PDE7A: variants seen among roughly 807,000 people sequenced by gnomAD.
The protein encoded by PDE7A is high affinity 3',5'-cyclic-AMP phosphodiesterase 7A.
In PDE7A, 39 loss-of-function variants were observed where a neutral mutation model predicts 64.3. That is an observed-to-expected ratio of 0.61 (90% CI 0.47 to 0.79). The LOEUF (loss-of-function observed/expected upper bound fraction) is 0.79. Among genes scored for constraint, PDE7A ranks in the 30% least tolerant of loss-of-function variants. The probability of loss-of-function intolerance (pLI) is 0.00; values close to 1 mark genes in which losing one functional copy is unlikely to be tolerated. For missense variants in PDE7A, 470 were observed against 582.8 expected (o/e 0.81, Z 1.99); for synonymous variants, 203 against 206.8 (o/e 0.98, Z 0.16).
At chr8:65,765,133 G>GA (rs1808702343) in intron 3 of PDE7A, among the ~76,000 whole-genome samples, 1 of 152,164 alleles carries the variant, frequency 6.6e-6, no homozygotes, top group Non-Finnish European at 1.5e-5. Flanking sequence ...TAAATATCCT[G>GA]AAAGGTCCCC....
intron 1 of PDE7A, among the ~76,000 whole-genome samples, chr8:65,825,246 A>G (rs1810643078): frequency 6.6e-6 from 1 of 152,190 alleles, no homozygotes; most frequent in African/African-American, 2.4e-5. Flanking sequence ...ACAAGCATAC[A>G]TTAACTTTAG....
chr8:65,738,117 TA>T (rs1210588379), intron 6 of PDE7A, among the ~76,000 whole-genome samples: 4 of 152,090 alleles, frequency 2.6e-5, no homozygotes, highest in Non-Finnish European at 5.9e-5. Context: ...ATGTTTACAC[TA>T]TAGTCTATTA....
At chr8:65,828,989 T>C (rs548096942) in intron 1 of PDE7A, among the ~76,000 whole-genome samples, 4 of 152,158 alleles carry the variant, frequency 2.6e-5, no homozygotes, top group South Asian at 4.1e-4. Context: ...GATTGTATTA[T>C]CCTTGTTAAA....
intron 1 of PDE7A, among the ~76,000 whole-genome samples, chr8:65,793,484 T>TAA (rs11339152): frequency 7.3e-6 from 1 of 137,824 alleles, no homozygotes. Flanking sequence ...TAAAGTTTCC[T>TAA]AAAAAAAAAA....
intron 3 of PDE7A, among the ~76,000 whole-genome samples, chr8:65,763,110 T>C (rs1233218817): frequency 6.6e-6 from 1 of 151,978 alleles, no homozygotes; most frequent in Non-Finnish European, 1.5e-5. Context: ...ATCTAAAAAT[T>C]AGATTAATGT....
In PDE7A at chr8:65,841,465, G is replaced by C. The variant is rs1196854467; in HGVS notation, c.44C>G (p.Pro15Arg). The change falls in exon 1 of 13, where the codon CCG becomes CGG. Residue 15 changes from proline to arginine, a missense_variant. Pro to Arg is a moderately radical substitution (Grantham distance 103). Transcript: ENST00000401827. ...YQLPVLPLDR[P>R]VPQHVLSRRG... The stretch of plus-strand genomic sequence containing the variant: ...GCGGCTGAGGACGTGCTGGGGGACC[G>C]GCCTGTCCAGGGGCAGTACCGGCAG... 1.3e-6 allele frequency: 2 copies of C among 1,562,724 alleles called. No homozygotes were observed. Among genetic ancestry groups the C allele is most frequent in the African/African-American group, 2.8e-5 (2 of 70,578 alleles).
chr8:65,817,242 C>T (rs187793753), intron 1 of PDE7A, among the ~76,000 whole-genome samples: 1 of 151,990 alleles, frequency 6.6e-6, no homozygotes, highest in East Asian at 1.9e-4. Context: ...TCCCTAATGT[C>T]AAAATTTTCT....
intron 5 of PDE7A, among the ~76,000 whole-genome samples, chr8:65,740,236 C>T (rs941377798): frequency 5.3e-5 from 8 of 152,092 alleles, no homozygotes; most frequent in African/African-American, 1.9e-4. Context: ...TCAACACTGC[C>T]CAGCAATCAT....
chr8:65,828,379 C>T (rs560403533), intron 1 of PDE7A, among the ~76,000 whole-genome samples: 1 of 152,100 alleles, frequency 6.6e-6, no homozygotes, highest in Admixed American at 6.5e-5. Flanking sequence ...TTTTTTCCCC[C>T]AAAGTTGTTA....
intron 1 of PDE7A, among the ~76,000 whole-genome samples, chr8:65,802,359 A>C (rs1351387187): frequency 1.3e-5 from 2 of 152,160 alleles, no homozygotes; most frequent in Non-Finnish European, 2.9e-5. Context: ...TTACCACAAT[A>C]AAAAAATGCA....
intron 3 of PDE7A, among the ~76,000 whole-genome samples, chr8:65,760,990 C>G (rs1263621188): frequency 1.3e-5 from 2 of 152,132 alleles, no homozygotes; most frequent in Non-Finnish European, 2.9e-5. Flanking sequence ...GTACTTTCAT[C>G]CGAACAATTA....
chr8:65,734,591 C>T (rs1468485116), intron 7 of PDE7A, among the ~76,000 whole-genome samples: 2 of 152,156 alleles, frequency 1.3e-5, no homozygotes, highest in Non-Finnish European at 2.9e-5. Flanking sequence ...CTTCTCCAGC[C>T]TCTCTCTCAA....
chr8:65,738,669 G>A (rs1430638082), intron 6 of PDE7A, among the ~76,000 whole-genome samples: 4 of 152,054 alleles, frequency 2.6e-5, no homozygotes, highest in East Asian at 1.9e-4. Flanking sequence ...GTGGCCTCAC[G>A]TGATCCACCC....
chr8:65,773,861 A>C (rs1809182246), intron 3 of PDE7A, among the ~76,000 whole-genome samples: 1 of 152,098 alleles, frequency 6.6e-6, no homozygotes, highest in African/African-American at 2.4e-5. Context: ...ATATTTTTCG[A>C]ATTCTCTTAT....
At chr8:65,734,254 C>G (rs1255830163) in intron 7 of PDE7A, among the ~76,000 whole-genome samples, 1 of 152,138 alleles carries the variant, frequency 6.6e-6, no homozygotes, top group African/African-American at 2.4e-5. Flanking sequence ...GTTTCTTTCC[C>G]CGAAATGCAT....
chr8:65,760,177 T>C (rs898771362), intron 3 of PDE7A, among the ~76,000 whole-genome samples: 10 of 152,090 alleles, frequency 6.6e-5, no homozygotes, highest in African/African-American at 2.4e-4. Flanking sequence ...GAAGTAGAGG[T>C]TGCAGTGAGC....
chr8:65,771,424 A>T (rs1206252793), intron 3 of PDE7A, among the ~76,000 whole-genome samples: 6 of 152,212 alleles, frequency 3.9e-5, no homozygotes, highest in South Asian at 2.1e-4. Flanking sequence ...AGAAGAAATT[A>T]AAAAATTATG....
chr8:65,723,625 TA>T lies in PDE7A; in HGVS notation c.1163-5del. Reference sequence around the variant, plus strand: ...TGATATTTTTTTTCTATATCTCCTATAAATTAAAAAAAGAGAAGTATTAATA... The same window carrying T: ...TGATATTTTTTTTCTATATCTCCTATAATTAAAAAAAGAGAAGTATTAATA... On this transcript the variant is annotated splice_polypyrimidine_tract_variant and splice_region_variant and intron_variant, in intron 11 of 12. Transcript: ENST00000401827. 1 of 1,539,352 alleles carries T rather than the reference TA, an allele frequency of 6.5e-7. No individual in the cohort carries two copies. The highest frequency in any genetic ancestry group is 8.7e-7 in the Non-Finnish European group (1 of 1,144,780).
chr8:65,731,031 C>T (rs1806863772), intron 7 of PDE7A, among the ~76,000 whole-genome samples: 1 of 152,182 alleles, frequency 6.6e-6, no homozygotes, highest in African/African-American at 2.4e-5. Context: ...CTCATATTGA[C>T]CAAGTACCTA....
Sources: gnomAD v4.1 joint callset for allele counts (sites outside exome capture counted in the v4.1 genomes callset) on GRCh38, gnomAD v4.1.1 for gene constraint, MANE v1.5 for transcripts, NCBI Gene and HGNC (gene_info 2026-07-23, HGNC 2026-07-21) for gene names.